Variants in ARHGAP24 observed in about 807,000 individuals in gnomAD.
The protein encoded by ARHGAP24 is rho GTPase-activating protein 24.
A neutral mutation model predicts 76.4 loss-of-function variants in ARHGAP24; 50 were observed. The observed-to-expected ratio is 0.65, with a 90% confidence interval of 0.52 to 0.83. The LOEUF (loss-of-function observed/expected upper bound fraction) is 0.83, where lower values mean the gene tolerates loss of function less well. Ranked by LOEUF, ARHGAP24 falls within the 40% of genes least tolerant of loss-of-function variation. The pLI is 0.00. For synonymous variants in ARHGAP24, 345 were observed against 323.3 expected (o/e 1.07, Z -0.72); for missense variants, 930 against 914.2 (o/e 1.02, Z -0.22).
intron 3 of ARHGAP24, among the ~76,000 whole-genome samples, chr4:85,839,730 T>C (rs557827482): frequency 6.6e-6 from 1 of 152,214 alleles, no homozygotes; most frequent in African/African-American, 2.4e-5. Flanking sequence ...ATTACAGGAA[T>C]TCTAATATTT....
At chr4:85,608,415 T>A (rs1720272751) in intron 2 of ARHGAP24, among the ~76,000 whole-genome samples, 1 of 152,180 alleles carries the variant, frequency 6.6e-6, no homozygotes, top group African/African-American at 2.4e-5. Context: ...ACTGACATTA[T>A]AAATATAGCC....
In ARHGAP24 at chr4:85,941,998, A is replaced by AAACAAC. The variant is rs1305018051; in HGVS notation, c.392-56_392-51dup. Reference sequence around the variant, plus strand: ...TTTGTTTTTCTGTTATATTGAATTAAAACAACAACAACAACAAAGTGGGAA... The same window carrying AAACAAC: ...TTTGTTTTTCTGTTATATTGAATTAAAACAACAACAACAACAACAACAAAGTGGGAA... On this transcript the variant is annotated intron_variant, in intron 4 of 9. Transcript: ENST00000395184. The AAACAAC allele has an allele frequency of 9.3e-6, 14 of 1,500,776 alleles. No individual in the cohort carries two copies. The East Asian group carries it at 2.6e-4, about 27-fold the overall frequency. 93.0% of individuals were successfully genotyped at this position (1,500,776 alleles called of 1,614,324 possible). A position where few individuals can be genotyped will look rare whatever the true frequency, so the allele number is the denominator to read the frequency against.
chr4:85,481,925 G>T (rs914176880), intron 1 of ARHGAP24, among the ~76,000 whole-genome samples: 1 of 152,234 alleles, frequency 6.6e-6, no homozygotes, highest in African/African-American at 2.4e-5. Flanking sequence ...TTCAAAGCCA[G>T]TCTTTCTCAG....
chr4:85,585,726 G>A (rs2109976020), intron 2 of ARHGAP24, among the ~76,000 whole-genome samples: 1 of 152,296 alleles, frequency 6.6e-6, no homozygotes, highest in South Asian at 2.1e-4. Context: ...TTGTAAGTTA[G>A]GCTTCAGAGC....
At chr4:85,852,755 C>T (rs887016549) in intron 3 of ARHGAP24, among the ~76,000 whole-genome samples, 1 of 152,216 alleles carries the variant, frequency 6.6e-6, no homozygotes. Flanking sequence ...CCACTCCAGA[C>T]ACTGTTTGCC....
chr4:85,743,237 A>G (rs1259340804), intron 3 of ARHGAP24, among the ~76,000 whole-genome samples: 5 of 151,960 alleles, frequency 3.3e-5, no homozygotes, highest in African/African-American at 1.2e-4. Flanking sequence ...GAAGATATTT[A>G]GGGGAATAAA....
At chr4:85,824,158 TTTAAACATCTACATA>T (rs1186029450) in intron 3 of ARHGAP24, among the ~76,000 whole-genome samples, 1 of 152,216 alleles carries the variant, frequency 6.6e-6, no homozygotes, top group African/African-American at 2.4e-5. Flanking sequence ...ACAGATTATC[TTTAAACATCTACATA>T]AGATGGTTGC....
chr4:85,525,187 T>C (rs1724932257), intron 1 of ARHGAP24, among the ~76,000 whole-genome samples: 1 of 151,954 alleles, frequency 6.6e-6, no homozygotes, highest in Admixed American at 6.6e-5. Flanking sequence ...ATTCAAAAAT[T>C]AATTGGACTT....
intron 1 of ARHGAP24, among the ~76,000 whole-genome samples, chr4:85,518,354 T>A (rs899038692): frequency 6.9e-5 from 10 of 144,974 alleles, no homozygotes; most frequent in Non-Finnish European, 1.3e-4. Context: ...ATTTCTTTTT[T>A]TAAAAAAATT....
intron 5 of ARHGAP24, among the ~76,000 whole-genome samples, chr4:85,957,159 C>T (rs1737967438): frequency 6.6e-6 from 1 of 151,242 alleles, no homozygotes; most frequent in Non-Finnish European, 1.5e-5. Flanking sequence ...TCTTAGTCAG[C>T]CTAGGAAATC....
At chr4:85,944,787 A>G (rs1737157130) in intron 5 of ARHGAP24, among the ~76,000 whole-genome samples, 1 of 152,228 alleles carries the variant, frequency 6.6e-6, no homozygotes, top group African/African-American at 2.4e-5. Context: ...AAGCCTTTAT[A>G]AGATGAACTT....
At chr4:85,974,738 C>A (rs572637315) in intron 6 of ARHGAP24, 150 bp from the exon 7 acceptor site, 243 of 635,078 alleles carry the variant, frequency 3.8e-4, no homozygotes, top group Non-Finnish European at 2.2e-4. Flanking sequence ...CTAAAATATT[C>A]ACTGTGATGG....
chr4:85,902,999 C>T (rs1734586590), intron 3 of ARHGAP24, among the ~76,000 whole-genome samples: 1 of 152,204 alleles, frequency 6.6e-6, no homozygotes, highest in Non-Finnish European at 1.5e-5. Context: ...CTGTTCTGTT[C>T]TATATCCTCA....
At chr4:85,617,898 A>G (rs1056321022) in intron 2 of ARHGAP24, among the ~76,000 whole-genome samples, 2 of 152,178 alleles carry the variant, frequency 1.3e-5, no homozygotes, top group Non-Finnish European at 1.5e-5. Context: ...AAAGTGTACA[A>G]TGTGGTCTTT....
rs1013510440 is a variant in ARHGAP24, at chr4:86,002,542, A to G, written c.*1820A>G. On this transcript the variant is annotated 3_prime_UTR_variant, in exon 10 of 10. Transcript: ENST00000395184. ...AGAAAGCTATATGATGCACTAGTAA[A>G]AAAAACAAAGATATTCAAACTGCTT... 2 of 152,310 alleles carry G rather than the reference A, an allele frequency of 1.3e-5. No homozygotes were observed. Among genetic ancestry groups the G allele is most frequent in the African/African-American group, 4.8e-5 (2 of 41,566 alleles). 9.4% of individuals were successfully genotyped at this position (152,310 alleles called of 1,614,324 possible).
At position 85,476,129 on chromosome 4, in the gene ARHGAP24, A is replaced by G. The variant is rs571230097; in HGVS notation, c.-21+570A>G. Reference sequence around the variant, plus strand: ...TATTTGTAAACACAAAACGTTAGGGAATCTTTGGTGAATTTGAAGCCACTC... The same window carrying G: ...TATTTGTAAACACAAAACGTTAGGGGATCTTTGGTGAATTTGAAGCCACTC... On this transcript the variant is annotated intron_variant, in intron 1 of 9. Transcript: ENST00000395184. 2.0e-5 allele frequency among the ~76,000 whole-genome samples: 3 copies of G among 150,764 alleles called. No individual in the cohort carries two copies. In the East Asian group the frequency reaches 5.8e-4, roughly 29 times the overall value.
At chr4:85,939,559 G>C (rs1426498663) in intron 4 of ARHGAP24, among the ~76,000 whole-genome samples, 1 of 152,036 alleles carries the variant, frequency 6.6e-6, no homozygotes, top group African/African-American at 2.4e-5. Flanking sequence ...AATAAATAAT[G>C]AATTTAAGTT....
intron 3 of ARHGAP24, among the ~76,000 whole-genome samples, chr4:85,788,998 T>C (rs1727990282): frequency 1.3e-5 from 2 of 151,688 alleles, no homozygotes; most frequent in Non-Finnish European, 1.5e-5. Context: ...ATCTCTAGAG[T>C]GATGAGAGTG....
chr4:85,678,217 A>T lies in ARHGAP24; in HGVS notation c.181-43668A>T, dbSNP rs557589995. On this transcript the variant is annotated intron_variant, in intron 2 of 9. Transcript: ENST00000395184. ...GACCCCATCTCTACAAAAAGTAAAA[A>T]AATTAGCATGGCATAGTGGTGACCT... Among the ~76,000 whole-genome samples the T allele has an allele frequency of 1.2e-4, 19 of 152,080 alleles. No homozygotes were observed. In the South Asian group the frequency reaches 2.3e-3, roughly 18 times the overall value.
Sources: allele counts gnomAD v4.1 joint callset (sites outside exome capture counted in the v4.1 genomes callset), GRCh38; gene constraint gnomAD v4.1.1; transcripts MANE v1.5; gene names NCBI Gene and HGNC (gene_info 2026-07-23, HGNC 2026-07-21).